The following AGXT2 variants were observed in gnomAD, a reference collection of about 807,000 sequenced individuals.
AGXT2 encodes alanine--glyoxylate aminotransferase 2, also known as alanine--glyoxylate aminotransferase 2, mitochondrial.
A neutral mutation model predicts 62.5 loss-of-function variants in AGXT2; 61 were observed. The observed-to-expected ratio is 0.98, with a 90% CI of 0.79 to 1.21. The LOEUF (loss-of-function observed/expected upper bound fraction) is 1.21. AGXT2 is among the 50% of genes most tolerant of loss of function. The pLI is 0.00. For synonymous variants in AGXT2, 243 were observed against 218.7 expected, an observed-to-expected ratio of 1.11 and a Z score of -0.98; for missense variants, 666 against 641.5, an observed-to-expected ratio of 1.04 and a Z score of -0.41.
intron 7 of AGXT2, 88 bp from the exon 8 acceptor site, chr5:35,026,598 A>G: frequency 1.6e-6 from 2 of 1,222,728 alleles, no homozygotes; most frequent in Admixed American, 2.0e-5. Flanking sequence ...AAACAGGAAA[A>G]AAAAAAAACA....
At chr5:35,015,461 C>CTCTG (rs1023991786) in intron 9 of AGXT2, among the ~76,000 whole-genome samples, 1 of 152,158 alleles carries the variant, frequency 6.6e-6, no homozygotes, top group Non-Finnish European at 1.5e-5. Flanking sequence ...CTGCCTGTCT[C>CTCTG]TCTGTCTGTC....
intron 7 of AGXT2, among the ~76,000 whole-genome samples, chr5:35,028,575 G>T (rs1767446636): frequency 1.6e-5 from 1 of 64,378 alleles, no homozygotes; most frequent in Non-Finnish European, 2.9e-5. Flanking sequence ...GAGAGAGAGA[G>T]AGAGAGAGAG....
At chr5:35,040,866 T>C (rs1389688082) in intron 1 of AGXT2, among the ~76,000 whole-genome samples, 1 of 148,406 alleles carries the variant, frequency 6.7e-6, no homozygotes, top group African/African-American at 2.4e-5. Flanking sequence ...TCTTCTCAAA[T>C]ATAGTCTGGA....
intron 9 of AGXT2, among the ~76,000 whole-genome samples, chr5:35,014,683 G>T (rs1039305721): frequency 6.6e-6 from 1 of 152,128 alleles, no homozygotes. Flanking sequence ...TAACTCATCC[G>T]TCAAGTAGAA....
At chr5:35,024,808 A>G (rs1037575420) in intron 9 of AGXT2, among the ~76,000 whole-genome samples, 2 of 151,992 alleles carry the variant, frequency 1.3e-5, no homozygotes, top group Admixed American at 6.6e-5. Flanking sequence ...AGTCTCTACT[A>G]AAAAATACAA....
intron 1 of AGXT2, among the ~76,000 whole-genome samples, chr5:35,043,670 C>A (rs944567751): frequency 6.6e-6 from 1 of 152,056 alleles, no homozygotes; most frequent in African/African-American, 2.4e-5. Context: ...GTAGCTGGAA[C>A]CATAGGCACC....
intron 7 of AGXT2, among the ~76,000 whole-genome samples, chr5:35,030,927 C>G (rs993462515): frequency 6.6e-6 from 1 of 152,218 alleles, no homozygotes; most frequent in African/African-American, 2.4e-5. Context: ...CTCCGTGCCT[C>G]ATCTCATGAA....
Position 35,026,336 on chromosome 5 carries a change from C to T in AGXT2, c.870+74G>A, listed in dbSNP as rs73084607. On this transcript the variant is annotated intron_variant, in intron 8 of 13. Coordinates refer to ENST00000231420, the MANE Select transcript of AGXT2 (RefSeq NM_031900.4). ...GAGCACTTAATTCATTTGGAATTCT[C>T]TAGAATATATGAGTTAAAACTTTCT... 648 of 1,227,098 alleles carry T rather than the reference C, an allele frequency of 5.3e-4. 5 individuals carry two copies. In the African/African-American group the frequency reaches 8.9e-3, roughly 17 times the overall value. 76.0% of individuals were successfully genotyped at this position (1,227,098 alleles called of 1,614,324 possible).
In AGXT2 at chr5:35,025,809, G is replaced by C. The variant is rs780748685; in HGVS notation, c.917C>G (p.Ala306Gly). 35 of 1,613,950 alleles carry C rather than the reference G, an allele frequency of 2.2e-5. No individual in the cohort carries two copies. The highest frequency in any genetic ancestry group is 9.3e-5 in the African/African-American group (7 of 74,894). The change falls in exon 9 of 14, where the codon GCC (alanine) becomes GGC (glycine). Residue 306 changes from alanine (A) to glycine (G), a missense_variant. Physicochemically the swap from Ala to Gly is moderately conservative, Grantham distance 60 (BLOSUM62 0). Coordinates refer to ENST00000231420, the MANE Select transcript of AGXT2 (RefSeq NM_031900.4). ...TCCCCTTGCTCGCACCAGCTCAAAG[G>C]CTTCCTTTAGAAACCCCTTTGGGTA... Reference protein sequence around the residue: ...VQYPKGFLKEAFELVRARGGV... With the variant: ...VQYPKGFLKEGFELVRARGGV...
chr5:35,021,324 A>C (rs1395359228), intron 9 of AGXT2, among the ~76,000 whole-genome samples: 2 of 151,962 alleles, frequency 1.3e-5, no homozygotes, highest in Non-Finnish European at 2.9e-5. Context: ...TTCAAACTAT[A>C]CTACAAGGCT....
At chr5:35,044,836 A>G (rs920491764) in intron 1 of AGXT2, among the ~76,000 whole-genome samples, 10 of 152,290 alleles carry the variant, frequency 6.6e-5, no homozygotes, top group Admixed American at 2.6e-4. Context: ...GGCATGTGTT[A>G]AATCAGTTCT....
At chr5:35,023,486 C>T (rs1767198901) in intron 9 of AGXT2, among the ~76,000 whole-genome samples, 1 of 152,196 alleles carries the variant, frequency 6.6e-6, no homozygotes, top group Admixed American at 6.5e-5. Flanking sequence ...CATAAAACCA[C>T]AAGACAGAAA....
At chr5:35,022,161 TG>T (rs1175130640) in intron 9 of AGXT2, among the ~76,000 whole-genome samples, 3 of 152,178 alleles carry the variant, frequency 2.0e-5, no homozygotes, top group Admixed American at 6.6e-5. Context: ...TGGAAGTCAG[TG>T]TGGTGATTCC....
At chr5:35,020,829 G>T (rs1157677318) in intron 9 of AGXT2, among the ~76,000 whole-genome samples, 1 of 152,012 alleles carries the variant, frequency 6.6e-6, no homozygotes, top group Admixed American at 6.6e-5. Context: ...AAACCCCATT[G>T]TCTCAGCCCA....
chr5:35,003,556 C>A (rs1012421591), intron 13 of AGXT2, among the ~76,000 whole-genome samples: 3 of 151,070 alleles, frequency 2.0e-5, no homozygotes, highest in Non-Finnish European at 4.4e-5. Flanking sequence ...CCCTAGTGGC[C>A]TGAGAGCTGC....
intron 4 of AGXT2, among the ~76,000 whole-genome samples, chr5:35,035,586 G>T (rs1246179676): frequency 1.1e-5 from 1 of 87,754 alleles, no homozygotes; most frequent in Non-Finnish European, 2.4e-5. Context: ...TTATTTGATG[G>T]TCTGCAAAAT....
At chr5:35,008,253 G>A (rs572255711) in intron 12 of AGXT2, among the ~76,000 whole-genome samples, 5 of 152,302 alleles carry the variant, frequency 3.3e-5, no homozygotes, top group African/African-American at 1.2e-4. Flanking sequence ...GTGGGGATAT[G>A]CCACAAGCTA....
chr5:35,026,378 G>T lies in AGXT2; in HGVS notation c.870+32C>A. On this transcript the variant is annotated intron_variant, in intron 8 of 13. Coordinates refer to ENST00000231420, the MANE Select transcript of AGXT2 (RefSeq NM_031900.4). ...AAACTTTCTGATAATTGAAGATTCA[G>T]CTCCATTAATGTCTAAGGTTCATAT... 3.3e-6 allele frequency: 5 copies of T among 1,535,920 alleles called. No homozygotes were observed. In the South Asian group the frequency reaches 3.4e-5, roughly 10 times the overall value.
intron 9 of AGXT2, among the ~76,000 whole-genome samples, chr5:35,022,602 T>C (rs544193874): frequency 3.3e-4 from 49 of 148,982 alleles, no homozygotes; most frequent in African/African-American, 5.6e-4. Context: ...AGGGATAGCA[T>C]TGGGACATAT....
Sources: allele counts gnomAD v4.1 joint callset (sites outside exome capture counted in the v4.1 genomes callset), GRCh38; gene constraint gnomAD v4.1.1; transcripts MANE v1.5; gene names NCBI Gene and HGNC (gene_info 2026-07-23, HGNC 2026-07-21).